The following AKAIN1 variants were observed in gnomAD, a reference collection of about 807,000 sequenced individuals.
The protein encoded by AKAIN1 is A-kinase anchor protein inhibitor 1.
AKAIN1 carries 3 observed loss-of-function variants against 3.7 expected under a neutral mutation model. The observed-to-expected ratio is 0.82, with a 90% CI of 0.37 to 2.12. AKAIN1 has a LOEUF of 2.12. AKAIN1 is among the 30% of genes most tolerant of loss of function. AKAIN1 has a pLI of 0.06. For synonymous variants in AKAIN1, 31 were observed against 30.8 expected, an observed-to-expected ratio of 1.01 and a Z score of -0.02; for missense variants, 82 against 82.7, an observed-to-expected ratio of 0.99 and a Z score of 0.03.
intron 1 of AKAIN1, among the ~76,000 whole-genome samples, chr18:5,148,499 C>T (rs34711450): frequency 0.037 from 5,587 of 152,230 alleles, 162 homozygotes; most frequent in Non-Finnish European, 0.057. Context: ...TACATGGCCA[C>T]GCTTAGCTAT....
At chr18:5,173,279 G>GT (rs971718937) in intron 1 of AKAIN1, among the ~76,000 whole-genome samples, 1 of 151,982 alleles carries the variant, frequency 6.6e-6, no homozygotes, top group East Asian at 1.9e-4. Context: ...CATTATTGGT[G>GT]TTTTTTTGTA....
At chr18:5,185,349 C>A (rs1238216583) in intron 1 of AKAIN1, among the ~76,000 whole-genome samples, 1 of 151,990 alleles carries the variant, frequency 6.6e-6, no homozygotes, top group African/African-American at 2.4e-5. Context: ...ACAAACATGA[C>A]CTAATTAAAC....
chr18:5,193,424 A>G (rs1336459433), intron 1 of AKAIN1, among the ~76,000 whole-genome samples: 2 of 152,220 alleles, frequency 1.3e-5, no homozygotes, highest in African/African-American at 4.8e-5. Flanking sequence ...TCATGAAAGA[A>G]AGTGGGGAAT....
At position 5,144,576 on chromosome 18, in the gene AKAIN1, T is replaced by C. The variant is rs2143298994; in HGVS notation, c.*986A>G. On this transcript the variant is annotated 3_prime_UTR_variant, in exon 2 of 2. Transcript: ENST00000434239. ...ATTGTGTTCTCATGTATTCCTGACC[T>C]GTATGATTTTCATAATCTCAAAAAA... 6.6e-6 allele frequency among the ~76,000 whole-genome samples: 1 copy of C among 152,336 alleles called. No homozygotes were observed.
chr18:5,183,657 G>C (rs866203250), intron 1 of AKAIN1, among the ~76,000 whole-genome samples: 39 of 152,092 alleles, frequency 2.6e-4, no homozygotes, highest in African/African-American at 9.4e-4. Flanking sequence ...ATGCAAAGTT[G>C]ATTCCTGTTA....
At chr18:5,176,394 C>T (rs1174280806) in intron 1 of AKAIN1, among the ~76,000 whole-genome samples, 2 of 151,950 alleles carry the variant, frequency 1.3e-5, no homozygotes, top group South Asian at 2.1e-4. Context: ...AAGCCGAGAT[C>T]GTGCCACTGC....
chr18:5,171,931 A>G (rs932403824), intron 1 of AKAIN1, among the ~76,000 whole-genome samples: 3 of 152,170 alleles, frequency 2.0e-5, no homozygotes, highest in African/African-American at 7.2e-5. Flanking sequence ...CAAGATTTGG[A>G]AGCAACCTAA....
At chr18:5,190,758 T>A (rs1344529134) in intron 1 of AKAIN1, among the ~76,000 whole-genome samples, 1 of 152,176 alleles carries the variant, frequency 6.6e-6, no homozygotes, top group African/African-American at 2.4e-5. Flanking sequence ...AACTTGCATA[T>A]GAATGCCTTC....
intron 1 of AKAIN1, among the ~76,000 whole-genome samples, chr18:5,146,269 G>A (rs765749388): frequency 5.9e-5 from 9 of 152,018 alleles, no homozygotes; most frequent in Non-Finnish European, 7.4e-5. Flanking sequence ...GACATTAAAC[G>A]CCTTCAGGTG....
At position 5,190,564 on chromosome 18, in the gene AKAIN1, A is replaced by T. The variant is rs368040800; in HGVS notation, c.16+6474T>A. ...ATTATACAATCGGTCTTATATAAGCAGAAAAAATTGAAAAATTCACATCAT... is the reference window on the plus strand; with the variant it reads ...ATTATACAATCGGTCTTATATAAGCTGAAAAAATTGAAAAATTCACATCAT... On this transcript the variant is annotated intron_variant, in intron 1 of 1. Transcript: ENST00000434239. 7.9e-5 allele frequency among the ~76,000 whole-genome samples: 12 copies of T among 152,326 alleles called. No individual in the cohort carries two copies. The South Asian group carries it at 2.5e-3, about 32-fold the overall frequency.
chr18:5,162,797 T>A (rs571348504), intron 1 of AKAIN1, among the ~76,000 whole-genome samples: 9 of 151,926 alleles, frequency 5.9e-5, no homozygotes, highest in African/African-American at 2.2e-4. Context: ...GGGATAGGCA[T>A]TGGAAAGCAG....
intron 1 of AKAIN1, among the ~76,000 whole-genome samples, chr18:5,166,884 A>G (rs1280532260): frequency 6.6e-6 from 1 of 152,116 alleles, no homozygotes; most frequent in Admixed American, 6.6e-5. Flanking sequence ...TGCTCCTAAA[A>G]TCACATCTTC....
intron 1 of AKAIN1, chr18:5,170,709 C>T (rs1007620355): frequency 2.6e-5 from 4 of 152,122 alleles, no homozygotes; most frequent in African/African-American, 7.2e-5. Flanking sequence ...GTGTCTTTAA[C>T]CTCCCCTTGA....
At chr18:5,169,158 C>T (rs960566490) in intron 1 of AKAIN1, among the ~76,000 whole-genome samples, 5 of 152,026 alleles carry the variant, frequency 3.3e-5, no homozygotes, top group Non-Finnish European at 7.4e-5. Context: ...ATGTTGCAGT[C>T]TTAAAGAGAA....
At position 5,192,083 on chromosome 18, in the gene AKAIN1, G is replaced by A. The variant is rs1346642208; in HGVS notation, c.16+4955C>T. Among the ~76,000 whole-genome samples, 6 of 152,278 alleles carry A rather than the reference G, an allele frequency of 3.9e-5. No homozygotes were observed. In the East Asian group the frequency reaches 1.2e-3, roughly 29 times the overall value. ...GCTCAAAAAAGTTTCAGATTTTGGA[G>A]TATTTTGGATTTCAGATTTTTGGAT... On this transcript the variant is annotated intron_variant, in intron 1 of 1. Coordinates refer to ENST00000434239, the MANE Select transcript of AKAIN1 (RefSeq NM_001145194.2).
chr18:5,169,777 A>C (rs866126610), intron 1 of AKAIN1, among the ~76,000 whole-genome samples: 1 of 152,178 alleles, frequency 6.6e-6, no homozygotes, highest in South Asian at 2.1e-4. Flanking sequence ...CAATTAACAT[A>C]CTTCTGAGCA....
At chr18:5,156,117 C>T (rs976850721) in intron 1 of AKAIN1, among the ~76,000 whole-genome samples, 2 of 152,062 alleles carry the variant, frequency 1.3e-5, no homozygotes, top group Non-Finnish European at 2.9e-5. Flanking sequence ...GACCGTATTA[C>T]CAGAACTCTT....
chr18:5,146,115 G>A (rs1260860597), intron 1 of AKAIN1, among the ~76,000 whole-genome samples: 5 of 152,114 alleles, frequency 3.3e-5, no homozygotes, highest in Non-Finnish European at 7.4e-5. Context: ...CTGCTGTACT[G>A]TTATTACTTT....
At chr18:5,179,188 G>A (rs747819565) in intron 1 of AKAIN1, among the ~76,000 whole-genome samples, 13 of 152,088 alleles carry the variant, frequency 8.5e-5, no homozygotes, top group African/African-American at 2.4e-4. Flanking sequence ...TTCTTATCTC[G>A]CACCCACTTC....
Sources: allele counts gnomAD v4.1 joint callset (sites outside exome capture counted in the v4.1 genomes callset), GRCh38; gene constraint gnomAD v4.1.1; transcripts MANE v1.5; gene names NCBI Gene and HGNC (gene_info 2026-07-23, HGNC 2026-07-21).